The following PACS2 variants were observed in gnomAD, a reference collection of about 807,000 sequenced individuals.
PACS2 encodes the protein phosphofurin acidic cluster sorting protein 2, also known as PACS1-like protein.
In PACS2, 36 loss-of-function variants were observed where a neutral mutation model predicts 113.0. The ratio of observed to expected loss-of-function variants is 0.32; its 90% CI spans 0.24 to 0.42. The LOEUF is 0.42. Among genes scored for constraint, PACS2 ranks in the 10% least tolerant of loss-of-function variants. The pLI, the probability that PACS2 is intolerant of heterozygous loss-of-function variation, is 1.00. For missense variants in PACS2, 1,015 were observed against 1,239.5 expected, an observed-to-expected ratio of 0.82 and a Z score of 2.72; for synonymous variants, 589 against 536.1, an observed-to-expected ratio of 1.10 and a Z score of -1.36.
At chr14:105,385,067 G>T (rs2081129015) in intron 18 of PACS2, 80 bp downstream of exon 18, 1 of 925,680 alleles carries the variant, frequency 1.1e-6, no homozygotes, top group Non-Finnish European at 1.7e-6. Context: ...CCCGCTGCTG[G>T]GCTTGGCCTG....
upstream of PACS2, among the ~76,000 whole-genome samples, chr14:105,312,345 C>T (rs2058370781): frequency 6.6e-6 from 1 of 152,200 alleles, no homozygotes. Flanking sequence ...ATAATAATAA[C>T]TCCCACAACC....
intron 1 of PACS2, among the ~76,000 whole-genome samples, chr14:105,302,431 G>A (rs991135259): frequency 3.3e-5 from 5 of 151,854 alleles, no homozygotes; most frequent in African/African-American, 9.7e-5. Flanking sequence ...TTGAACTCCC[G>A]ACCTCAGGTG....
At chr14:105,305,259 G>A (rs770998411) in intron 1 of PACS2, among the ~76,000 whole-genome samples, 18 of 152,202 alleles carry the variant, frequency 1.2e-4, no homozygotes, top group African/African-American at 2.9e-4. Context: ...AAACTTAGCC[G>A]GTTGTGGTAG....
chr14:105,312,479 C>T (rs763202168), upstream of PACS2, among the ~76,000 whole-genome samples: 2 of 152,182 alleles, frequency 1.3e-5, no homozygotes, highest in African/African-American at 2.4e-5. Context: ...CCCAGTCATC[C>T]GAGAGGTTTG....
chr14:105,338,265 A>G (rs1478318652), intron 1 of PACS2, among the ~76,000 whole-genome samples: 2 of 152,320 alleles, frequency 1.3e-5, no homozygotes, highest in Non-Finnish European at 1.5e-5. Context: ...TGGAAATGCC[A>G]TGCAGGGCAC....
intron 4 of PACS2, among the ~76,000 whole-genome samples, chr14:105,364,456 G>A (rs1393557344): frequency 6.8e-5 from 9 of 133,298 alleles, no homozygotes; most frequent in East Asian, 2.2e-4. Context: ...CCGGGTGCGC[G>A]GTGGGCGGCG....
rs782389056 is a variant in PACS2, at chr14:105,368,493, C to T, written c.695C>T (p.Pro232Leu). Reference sequence around the variant, plus strand: ...GAGGACGACTTTGACGTGGGGAAGCCGAAGAAGCAGCGGAGATCGATTGTA... The same window carrying T: ...GAGGACGACTTTGACGTGGGGAAGCTGAAGAAGCAGCGGAGATCGATTGTA... Reference protein sequence around the residue: ...LDEDDFDVGKPKKQRRSIVRT... With the variant: ...LDEDDFDVGKLKKQRRSIVRT... The change falls in exon 7 of 25, where the codon CCG becomes CTG. Residue 232 changes from proline to leucine, a missense_variant. Transcript: ENST00000447393. 13 of 1,614,022 alleles carry T rather than the reference C, an allele frequency of 8.1e-6. No individual in the cohort carries two copies. The Admixed American group carries it at 8.3e-5, about 10-fold the overall frequency.
upstream of PACS2, among the ~76,000 whole-genome samples, chr14:105,312,355 C>T (rs1245134878): frequency 6.6e-6 from 1 of 152,230 alleles, no homozygotes; most frequent in Non-Finnish European, 1.5e-5. Context: ...CTCCCACAAC[C>T]TCCGGGGACC....
At chr14:105,386,667 CCCTGA>C (rs1176477054) in intron 19 of PACS2, among the ~76,000 whole-genome samples, 1 of 152,074 alleles carries the variant, frequency 6.6e-6, no homozygotes, top group African/African-American at 2.4e-5. Context: ...CCCCCCAACC[CCCTGA>C]CCTCAGTGCA....
intron 4 of PACS2, among the ~76,000 whole-genome samples, chr14:105,362,422 A>C (rs1453206494): frequency 6.6e-6 from 1 of 151,662 alleles, no homozygotes; most frequent in African/African-American, 2.4e-5. Flanking sequence ...GTCTCAAAAA[A>C]AAAAAAAAGA....
At chr14:105,383,578 A>C in intron 16 of PACS2, 65 bp downstream of exon 16, 2 of 1,483,820 alleles carry the variant, frequency 1.3e-6, no homozygotes, top group Admixed American at 1.9e-5. Context: ...CGTGGCATGG[A>C]GTGGTGTGGC....
chr14:105,304,526 G>T (rs1051423513), intron 1 of PACS2, among the ~76,000 whole-genome samples: 7 of 151,828 alleles, frequency 4.6e-5, no homozygotes, highest in African/African-American at 1.5e-4. Flanking sequence ...ATATAAAAAA[G>T]GGTGAGGCTC....
At chr14:105,379,942 G>GCCA (rs2080921803) in intron 10 of PACS2, 113 bp downstream of exon 10, 3 of 1,328,794 alleles carry the variant, frequency 2.3e-6, no homozygotes, top group Non-Finnish European at 3.2e-6. Context: ...CTGTCCTGGA[G>GCCA]CCACTCTGCA....
At position 105,389,949 on chromosome 14, in the gene PACS2, C is replaced by T. The variant is rs1566969996; in HGVS notation, c.2034-12C>T. The T allele has an allele frequency of 6.2e-7, 1 of 1,613,096 alleles. No individual in the cohort carries two copies. Among genetic ancestry groups the T allele is most frequent in the Non-Finnish European group, 8.5e-7 (1 of 1,179,142 alleles). On this transcript the variant is annotated splice_polypyrimidine_tract_variant and intron_variant, in intron 19 of 24. Coordinates refer to ENST00000447393, the MANE Select transcript of PACS2 (RefSeq NM_001100913.3). ...CTGAGGAGAGCTTAACTGTCTGTTTCCTTGCTCTTAGCCCTGACGAAGAGT... is the reference window on the plus strand; with the variant it reads ...CTGAGGAGAGCTTAACTGTCTGTTTTCTTGCTCTTAGCCCTGACGAAGAGT...
At chr14:105,333,250 G>C (rs1009203198) in intron 1 of PACS2, among the ~76,000 whole-genome samples, 1 of 152,216 alleles carries the variant, frequency 6.6e-6, no homozygotes, top group Non-Finnish European at 1.5e-5. Flanking sequence ...GACAGCTGGA[G>C]TCATCCTCCT....
At chr14:105,333,375 C>T (rs139977742) in intron 1 of PACS2, among the ~76,000 whole-genome samples, 28 of 152,376 alleles carry the variant, frequency 1.8e-4, no homozygotes, top group Admixed American at 1.1e-3. Context: ...CATGGCGCCA[C>T]TGCTGTGTTA....
chr14:105,380,597 C>T (rs2080955080), intron 11 of PACS2, among the ~76,000 whole-genome samples: 1 of 152,090 alleles, frequency 6.6e-6, no homozygotes, highest in South Asian at 2.1e-4. Context: ...CCTGGACTCA[C>T]CCCACCCGCA....
chr14:105,367,494 C>T lies in PACS2; in HGVS notation c.586+119C>T, dbSNP rs138166937. The T allele has an allele frequency of 2.8e-4, 271 of 967,304 alleles. No individual in the cohort carries two copies. The African/African-American group carries it at 3.7e-3, about 13-fold the overall frequency. The allele number at this position is 967,304 out of a possible 1,614,324, so 59.9% of individuals were successfully genotyped here. A position where few individuals can be genotyped will look rare whatever the true frequency, so the allele number is the denominator to read the frequency against. ...CTTAAGGAGTTGGGGGTCCGGAGCACGTGTCAGTTGCTCTCCTGTCTGGAA... is the reference window on the plus strand; with the variant it reads ...CTTAAGGAGTTGGGGGTCCGGAGCATGTGTCAGTTGCTCTCCTGTCTGGAA... On this transcript the variant is annotated intron_variant, in intron 5 of 24. Transcript: ENST00000447393.
chr14:105,389,934 C>G, intron 19 of PACS2, 27 bp from the exon 20 acceptor site: 1 of 1,609,812 alleles, frequency 6.2e-7, no homozygotes, highest in Non-Finnish European at 8.5e-7. Flanking sequence ...CTGAGGAGAG[C>G]TTAACTGTCT....
Sources: gnomAD v4.1 joint callset for allele counts (sites outside exome capture counted in the v4.1 genomes callset) on GRCh38, gnomAD v4.1.1 for gene constraint, MANE v1.5 for transcripts, NCBI Gene and HGNC (gene_info 2026-07-23, HGNC 2026-07-21) for gene names.